BEND7: variants seen among roughly 807,000 people sequenced by gnomAD.
BEND7 encodes BEN domain-containing protein 7.
BEND7 carries 28 observed loss-of-function variants against 50.9 expected under a neutral mutation model. That is an observed-to-expected ratio of 0.55 (90% CI 0.41 to 0.75). The LOEUF is 0.75. Ranked by LOEUF, BEND7 falls within the 30% of genes least tolerant of loss-of-function variation. The probability of loss-of-function intolerance (pLI) is 0.00; values close to 1 mark genes in which losing one functional copy is unlikely to be tolerated. For synonymous variants in BEND7, 170 were observed against 183.9 expected (o/e 0.92, Z 0.61); for missense variants, 477 against 491.3 (o/e 0.97, Z 0.28).
At chr10:13,472,230 C>T (rs531106221) in intron 6 of BEND7, among the ~76,000 whole-genome samples, 6 of 151,906 alleles carry the variant, frequency 3.9e-5, no homozygotes, top group South Asian at 4.2e-4. Flanking sequence ...TATCCATCAT[C>T]GCTATTAGAG....
intron 2 of BEND7, among the ~76,000 whole-genome samples, chr10:13,513,067 G>A (rs143823668): frequency 1.6e-4 from 24 of 152,294 alleles, no homozygotes; most frequent in African/African-American, 5.5e-4. Context: ...ACAGTGTGAG[G>A]AATCTGTCTT....
At position 13,474,303 on chromosome 10, in the gene BEND7, G is replaced by A. The variant is rs529241013; in HGVS notation, c.1063+6596C>T. 3.3e-5 allele frequency among the ~76,000 whole-genome samples: 5 copies of A among 151,816 alleles called. 1 individual carries two copies. In the South Asian group the frequency reaches 8.3e-4, roughly 25 times the overall value. ...GATACCCGTCATCGCTGTTAGATGC[G>A]GGGTCGATATCCATCATCGCTGTTA... On this transcript the variant is annotated intron_variant, in intron 6 of 8. Coordinates refer to ENST00000466271, the MANE Select transcript of BEND7 (RefSeq NM_001369863.1).
At chr10:13,482,396 A>G (rs2075927272) in intron 5 of BEND7, among the ~76,000 whole-genome samples, 1 of 152,206 alleles carries the variant, frequency 6.6e-6, no homozygotes, top group Admixed American at 6.5e-5. Context: ...TGATTCTTAG[A>G]TCTCCTATTC....
intron 2 of BEND7, among the ~76,000 whole-genome samples, chr10:13,515,359 G>T (rs2078590651): frequency 6.6e-6 from 1 of 152,128 alleles, no homozygotes; most frequent in Non-Finnish European, 1.5e-5. Context: ...AGTATAATTA[G>T]TTTTCTCCAT....
At chr10:13,525,421 T>C (rs187651031) in intron 2 of BEND7, among the ~76,000 whole-genome samples, 10 of 152,272 alleles carry the variant, frequency 6.6e-5, no homozygotes, top group Admixed American at 3.9e-4. Flanking sequence ...GTCTCAGAAA[T>C]GCTGTTTTAG....
downstream of BEND7, chr10:13,441,087 G>A (rs978046636): frequency 5.1e-5 from 50 of 984,846 alleles, no homozygotes; most frequent in Non-Finnish European, 5.2e-5. Flanking sequence ...CCGCACGCAC[G>A]TTCAATTAAA....
Position 13,524,961 on chromosome 10 carries a change from TC to T in BEND7, c.145+1176del, listed in dbSNP as rs1213090375. Among the ~76,000 whole-genome samples, 4 of 152,164 alleles carry T rather than the reference TC, an allele frequency of 2.6e-5. 1 individual carries two copies. In the East Asian group the frequency reaches 7.7e-4, roughly 29 times the overall value. The stretch of plus-strand genomic sequence containing the variant: ...AATGCATCCCGACCCACCCTTTCTA[TC>T]CCTCAAAGCAAAACCAGAGAGATCC... On this transcript the variant is annotated intron_variant, in intron 2 of 8. Coordinates refer to ENST00000466271, the MANE Select transcript of BEND7 (RefSeq NM_001369863.1).
chr10:13,474,236 G>A (rs1421257305), intron 6 of BEND7, among the ~76,000 whole-genome samples: 1 of 152,106 alleles, frequency 6.6e-6, no homozygotes, highest in Non-Finnish European at 1.5e-5. Context: ...ATCGCTGTTA[G>A]ACTCGGGGTC....
Position 13,462,560 on chromosome 10 carries a change from G to A in BEND7, c.1064-9902C>T, listed in dbSNP as rs867634473. Among the ~76,000 whole-genome samples, 4 of 152,162 alleles carry A rather than the reference G, an allele frequency of 2.6e-5. 1 individual carries two copies. Among genetic ancestry groups the A allele is most frequent in the Middle Eastern group, 3.2e-3 (1 of 316 alleles). ...TGAAACATAAAAACTCAAAGGACAGGTTAATCAATAAATTAATATCACTGA... is the reference window on the plus strand; with the variant it reads ...TGAAACATAAAAACTCAAAGGACAGATTAATCAATAAATTAATATCACTGA... On this transcript the variant is annotated intron_variant, in intron 6 of 8. Transcript: ENST00000466271.
At chr10:13,507,546 C>T (rs2077985433) in intron 2 of BEND7, among the ~76,000 whole-genome samples, 1 of 152,208 alleles carries the variant, frequency 6.6e-6, no homozygotes. Flanking sequence ...GGGCTGGGTT[C>T]TTTCACTAAT....
At position 13,480,891 on chromosome 10, in the gene BEND7, A is replaced by G. The variant is rs1199921606; in HGVS notation, c.1063+8T>C. 1 of 1,613,952 alleles carries G rather than the reference A, an allele frequency of 6.2e-7. No individual in the cohort carries two copies. Among genetic ancestry groups the G allele is most frequent in the African/African-American group, 1.3e-5 (1 of 74,930 alleles). ...AAGAACCCACAAAATGAAATGATGC[A>G]GACCAACCTTTTATTGCACCCACAA... On this transcript the variant is annotated splice_region_variant and intron_variant, in intron 6 of 8. Transcript: ENST00000466271.
intron 2 of BEND7, among the ~76,000 whole-genome samples, chr10:13,519,488 GA>G (rs60100723): frequency 5.2e-4 from 76 of 145,870 alleles, no homozygotes; most frequent in African/African-American, 1.7e-3. Context: ...AAAAAAGAAA[GA>G]AAAAAAAAAA....
intron 2 of BEND7, among the ~76,000 whole-genome samples, chr10:13,508,015 G>A (rs751892885): frequency 5.3e-5 from 8 of 152,274 alleles, no homozygotes; most frequent in African/African-American, 1.4e-4. Context: ...ACTGATGGGC[G>A]GCCTGTCAAA....
At chr10:13,455,288 C>T (rs933202564) in intron 6 of BEND7, among the ~76,000 whole-genome samples, 3 of 151,926 alleles carry the variant, frequency 2.0e-5, no homozygotes, top group East Asian at 1.9e-4. Context: ...GGGAACGCCA[C>T]GCTGCCAAGG....
At chr10:13,477,806 C>T (rs550347456) in intron 6 of BEND7, among the ~76,000 whole-genome samples, 3 of 152,150 alleles carry the variant, frequency 2.0e-5, no homozygotes, top group African/African-American at 4.8e-5. Flanking sequence ...AATAAATTAA[C>T]GTCAAAGTCA....
intron 3 of BEND7, among the ~76,000 whole-genome samples, chr10:13,497,330 G>C (rs980203695): frequency 4.6e-5 from 7 of 152,226 alleles, no homozygotes; most frequent in African/African-American, 1.2e-4. Flanking sequence ...AATTATATGA[G>C]TTCTATTGAA....
At chr10:13,493,868 T>A (rs1030159128) in intron 4 of BEND7, among the ~76,000 whole-genome samples, 2 of 152,194 alleles carry the variant, frequency 1.3e-5, no homozygotes, top group African/African-American at 2.4e-5. Context: ...AATGAACCTA[T>A]AAGACAAGTG....
intron 4 of BEND7, among the ~76,000 whole-genome samples, chr10:13,493,898 G>A (rs2076848255): frequency 6.6e-6 from 1 of 152,096 alleles, no homozygotes; most frequent in Admixed American, 6.5e-5. Flanking sequence ...GGTCTTTAAA[G>A]GCATATAAAC....
At chr10:13,500,781 C>G (rs1235212525) in intron 2 of BEND7, 1 of 985,436 alleles carries the variant, frequency 1.0e-6, no homozygotes, top group Non-Finnish European at 1.2e-6. Context: ...ATCACATCAG[C>G]CTGGTGATGA....
Sources: allele counts gnomAD v4.1 joint callset (sites outside exome capture counted in the v4.1 genomes callset), GRCh38; gene constraint gnomAD v4.1.1; transcripts MANE v1.5; gene names NCBI Gene and HGNC (gene_info 2026-07-23, HGNC 2026-07-21).